The following CSF1R variants were observed in gnomAD, a reference collection of about 807,000 sequenced individuals.
CSF1R encodes colony stimulating factor 1 receptor.
Under a neutral mutation model 110.0 loss-of-function variants are expected in CSF1R, and 40 were observed. The observed-to-expected ratio is 0.36, with a 90% CI of 0.28 to 0.47. The LOEUF (loss-of-function observed/expected upper bound fraction) is 0.47, where lower values mean the gene tolerates loss of function less well. Ranked by LOEUF, CSF1R falls within the 20% of genes least tolerant of loss-of-function variation. CSF1R has a pLI of 0.99. For missense variants in CSF1R, 1,052 were observed against 1,253.0 expected (o/e 0.84, Z 2.42); for synonymous variants, 523 against 503.4 (o/e 1.04, Z -0.52).
At chr5:150,099,819 A>G (rs1759345161) in intron 1 of CSF1R, among the ~76,000 whole-genome samples, 1 of 152,170 alleles carries the variant, frequency 6.6e-6, no homozygotes. Context: ...GACTATATAC[A>G]TTTGTCAAAA....
At chr5:150,064,369 G>T (rs1757664017) in intron 10 of CSF1R, among the ~76,000 whole-genome samples, 1 of 152,240 alleles carries the variant, frequency 6.6e-6, no homozygotes, top group African/African-American at 2.4e-5. Flanking sequence ...ACTTCTAGCT[G>T]GTAGTTAGAG....
intron 10 of CSF1R, among the ~76,000 whole-genome samples, chr5:150,062,668 G>A (rs12518674): frequency 0.11 from 17,445 of 151,994 alleles, 1,251 homozygotes; most frequent in Admixed American, 0.26. Flanking sequence ...GTCAGGCACC[G>A]CTGATTCAGA....
chr5:150,082,375 T>C lies in CSF1R; in HGVS notation c.50-1351A>G, dbSNP rs531882121. Among the ~76,000 whole-genome samples, 76 of 152,370 alleles carry C rather than the reference T, an allele frequency of 5.0e-4. 1 individual carries two copies. Among genetic ancestry groups the C allele is most frequent in the Non-Finnish European group, 8.8e-4 (60 of 68,034 alleles). On this transcript the variant is annotated intron_variant, in intron 1 of 20. Coordinates refer to ENST00000675795, the MANE Select transcript of CSF1R (RefSeq NM_001288705.3). ...CTCTCTCAAGTCCTTTCAGGATGGC[T>C]TAATTCACGTTTTGATTTTGTATTC...
At chr5:150,101,972 T>C (rs1465692) in intron 1 of CSF1R, among the ~76,000 whole-genome samples, 42,927 of 152,032 alleles carry the variant, frequency 0.28, 6,154 homozygotes, top group East Asian at 0.44. Context: ...TTACCATATT[T>C]TTAAAATTGC....
chr5:150,058,105 C>G (rs1430017449), intron 14 of CSF1R: 3 of 410,260 alleles, frequency 7.3e-6, no homozygotes, highest in Admixed American at 5.5e-5. Flanking sequence ...CAGGTGATCA[C>G]AAAGTACAGC....
intron 10 of CSF1R, among the ~76,000 whole-genome samples, chr5:150,062,104 G>A (rs1194650141): frequency 1.3e-5 from 2 of 152,104 alleles, no homozygotes; most frequent in Non-Finnish European, 2.9e-5. Context: ...GAAGACCTTG[G>A]ACAAGACAAC....
At chr5:150,092,278 G>A (rs1759069165) in intron 1 of CSF1R, among the ~76,000 whole-genome samples, 2 of 152,208 alleles carry the variant, frequency 1.3e-5, no homozygotes, top group African/African-American at 4.8e-5. Flanking sequence ...TAGTAGCAAT[G>A]CATTGTATAT....
intron 1 of CSF1R, among the ~76,000 whole-genome samples, chr5:150,105,082 C>T (rs1759506719): frequency 1.3e-5 from 2 of 151,604 alleles, no homozygotes; most frequent in South Asian, 2.1e-4. Context: ...GGTGCAGTGG[C>T]TCACACCTAT....
chr5:150,103,865 G>A lies in CSF1R; in HGVS notation c.-181+9396C>T, dbSNP rs529562409. ...CTAAGAGTACCTGACAACCTGGCAG[G>A]GTGCCAGGGCTTGATCCTATAGGCC... On this transcript the variant is annotated intron_variant, in intron 1 of 21. Coordinates refer to the CSF1R transcript ENST00000286301. Among the ~76,000 whole-genome samples, 46 of 152,250 alleles carry A rather than the reference G, an allele frequency of 3.0e-4. 1 individual carries two copies. In the South Asian group the frequency reaches 6.9e-3, roughly 23 times the overall value.
intron 5 of CSF1R, 111 bp downstream of exon 5, chr5:150,077,165 G>A (rs746795528): frequency 1.4e-6 from 2 of 1,409,936 alleles, no homozygotes; most frequent in Non-Finnish European, 2.0e-6. Context: ...AACTCCAGCA[G>A]AGATATCCTC....
intron 6 of CSF1R, among the ~76,000 whole-genome samples, 184 bp downstream of exon 6, chr5:150,073,117 A>C (rs189732758): frequency 8.2e-4 from 125 of 152,302 alleles, no homozygotes; most frequent in African/African-American, 2.8e-3. Flanking sequence ...TTTCATCTAG[A>C]TCTCAAACAC....
chr5:150,065,850 A>G (rs1232884471), intron 10 of CSF1R, among the ~76,000 whole-genome samples: 1 of 152,180 alleles, frequency 6.6e-6, no homozygotes, highest in Non-Finnish European at 1.5e-5. Context: ...GGGGATACAG[A>G]GTTCCTAAAC....
At chr5:150,068,041 G>A (rs746280002) in intron 10 of CSF1R, among the ~76,000 whole-genome samples, 174 bp downstream of exon 10, 1 of 152,122 alleles carries the variant, frequency 6.6e-6, no homozygotes. Context: ...TTAGGGCAGA[G>A]CCTCAGAGGC....
intron 14 of CSF1R, among the ~76,000 whole-genome samples, chr5:150,059,034 G>A (rs1757376422): frequency 1.3e-5 from 2 of 151,776 alleles, no homozygotes. Context: ...ACAGCAACAG[G>A]ACAACAGAGC....
chr5:150,105,517 CT>C (rs951470535), intron 1 of CSF1R, among the ~76,000 whole-genome samples: 3 of 150,970 alleles, frequency 2.0e-5, no homozygotes, highest in African/African-American at 4.9e-5. Context: ...CACCTGGCCT[CT>C]TTTTTTTCTT....
rs1435409088 is a variant in CSF1R at position 150,057,162 on chromosome 5, C to T, written c.2319+125G>A. ...TTGCAGCTGCTGCCCAAATGACTCT[C>T]TCATACTCTGTCTCCTCCCCTACCC... is the stretch of plus-strand genomic sequence containing the variant. On this transcript the variant is annotated intron_variant, in intron 16 of 20. Coordinates refer to ENST00000675795, the MANE Select transcript of CSF1R (RefSeq NM_001288705.3). 4 of 778,198 alleles carry T rather than the reference C, an allele frequency of 5.1e-6. No individual in the cohort carries two copies. In the Admixed American group the frequency reaches 9.1e-5, roughly 18 times the overall value. 48.2% of individuals were successfully genotyped at this position (778,198 alleles called of 1,614,324 possible).
At chr5:150,098,417 T>A (rs553073627) in intron 1 of CSF1R, 1 of 152,798 alleles carries the variant, frequency 6.5e-6, no homozygotes, top group East Asian at 1.9e-4. Context: ...GCTGTCTGAG[T>A]GCAGTGGTGT....
chr5:150,069,922 G>A lies in CSF1R; in HGVS notation c.1461C>T (p.Ala487=). 1 of 1,614,054 alleles carries A rather than the reference G, an allele frequency of 6.2e-7. No homozygotes were observed. The highest frequency in any genetic ancestry group is 1.1e-5 in the South Asian group (1 of 91,076). ...AGGAGCCACTCCCCACGCTGTTGTGGGCCCTGCACTCGTAGGTTTGGTTGT... is the reference window on the plus strand; with the variant it reads ...AGGAGCCACTCCCCACGCTGTTGTGAGCCCTGCACTCGTAGGTTTGGTTGT... ...LEHNQTYECR[A]HNSVGSGSWA... The change falls in exon 9 of 21, where the codon GCC becomes GCT. Residue 487 remains alanine, a synonymous_variant. Coordinates refer to ENST00000675795, the MANE Select transcript of CSF1R (RefSeq NM_001288705.3).
rs373575031 is a variant in CSF1R, at chr5:150,065,645, C to G, written c.1626+2570G>C. 2.6e-5 allele frequency among the ~76,000 whole-genome samples: 4 copies of G among 152,334 alleles called. No individual in the cohort carries two copies. The South Asian group carries it at 6.2e-4, about 24-fold the overall frequency. Reference sequence around the variant, plus strand: ...GGAGGATGGGAGGGCAGGCACTTAGCACGGGCATGACCATCCTGCCCCCTC... The same window carrying G: ...GGAGGATGGGAGGGCAGGCACTTAGGACGGGCATGACCATCCTGCCCCCTC... On this transcript the variant is annotated intron_variant, in intron 10 of 20. Transcript: ENST00000675795.
Sources: allele counts gnomAD v4.1 joint callset (sites outside exome capture counted in the v4.1 genomes callset), GRCh38; gene constraint gnomAD v4.1.1; transcripts MANE v1.5; gene names NCBI Gene and HGNC (gene_info 2026-07-23, HGNC 2026-07-21).